The following MLEC variants were observed in gnomAD, a reference collection of about 807,000 sequenced individuals.
The protein encoded by MLEC is oligosaccharyltransferase complex subunit (non-catalytic).
MLEC carries 7 observed loss-of-function variants against 28.7 expected under a neutral mutation model. That is an observed-to-expected ratio of 0.24 (90% confidence interval 0.14 to 0.46). MLEC has a LOEUF of 0.46. Ranked by LOEUF, MLEC falls within the 20% of genes least tolerant of loss-of-function variation. MLEC has a pLI of 0.99. For missense variants in MLEC, 237 were observed against 391.1 expected, an observed-to-expected ratio of 0.61 and a Z score of 3.32; for synonymous variants, 142 against 164.4, an observed-to-expected ratio of 0.86 and a Z score of 1.04.
chr12:120,689,022 T>C (rs922080192), intron 1 of MLEC, among the ~76,000 whole-genome samples: 2 of 152,348 alleles, frequency 1.3e-5, no homozygotes, highest in Middle Eastern at 3.4e-3. Flanking sequence ...CCTCTTGAGA[T>C]AGCGGTGGTG....
In MLEC at chr12:120,687,542, C is replaced by G; in HGVS notation, c.235+11C>G. The G allele has an allele frequency of 1.3e-6, 2 of 1,491,498 alleles. No individual in the cohort carries two copies. Among genetic ancestry groups the G allele is most frequent in the Non-Finnish European group, 1.8e-6 (2 of 1,121,096 alleles). The allele number at this position is 1,491,498 out of a possible 1,614,324, so 92.4% of individuals were successfully genotyped here. On this transcript the variant is annotated intron_variant, in intron 1 of 4. Transcript: ENST00000228506. The surrounding 1 kb of genome is among the most constrained non-coding windows in gnomAD (Gnocchi z 8.1). ...GCCGGGTGGGCCGAGGTGAGAGTCC[C>G]CCTGCCGAGCCGCGGGATCCAGGGC... is the stretch of plus-strand genomic sequence containing the variant.
Position 120,696,569 on chromosome 12 carries a change from G to A in MLEC, c.*24G>A, listed in dbSNP as rs1190309482. 6.2e-7 allele frequency: 1 copy of A among 1,608,346 alleles called. No homozygotes were observed. Among genetic ancestry groups the A allele is most frequent in the Non-Finnish European group, 8.5e-7 (1 of 1,176,762 alleles). On this transcript the variant is annotated 3_prime_UTR_variant, in exon 5 of 5. Coordinates refer to ENST00000228506, the MANE Select transcript of MLEC (RefSeq NM_014730.4). This position sits in a 1 kb window ranked among gnomAD's most constrained non-coding sequence, Gnocchi z 5.4. ...GAGAACAAATGACTATCCTGAACAG[G>A]GTGGAGGGGTGTGGGAAAGAAACCA...
chr12:120,687,430 C>T lies in MLEC; in HGVS notation c.134C>T (p.Pro45Leu). ...GCCGGCGCGGCGGGGGCCGGGCTGC[C>T]CGAGAGCGTCATTTGGGCGGTCAAC... ...GVAGAAGAGL[P>L]ESVIWAVNAG... is the part of the protein sequence containing the mutation. Residue 45 changes from proline (P) to leucine (L), a missense_variant, in exon 1 of 5, where the codon CCC (proline) becomes CTC (leucine). Pro to Leu is a moderately conservative substitution (Grantham distance 98). Coordinates refer to ENST00000228506, the MANE Select transcript of MLEC (RefSeq NM_014730.4). This position sits in a 1 kb window ranked among gnomAD's most constrained non-coding sequence, Gnocchi z 8.1. The T allele has an allele frequency of 1.4e-6, 2 of 1,402,730 alleles. No individual in the cohort carries two copies. The highest frequency in any genetic ancestry group is 1.8e-5 in the South Asian group (1 of 54,084). 86.9% of individuals were successfully genotyped at this position (1,402,730 alleles called of 1,614,324 possible).
chr12:120,695,169 C>G lies in MLEC; in HGVS notation c.649+17C>G. ...CAGTGGATGGTAGGTTGTGTTCTGA[C>G]CTGCTTTTTTGACTTGAGTGGAGGG... On this transcript the variant is annotated intron_variant, in intron 4 of 4. Coordinates refer to ENST00000228506, the MANE Select transcript of MLEC (RefSeq NM_014730.4). 6.2e-7 allele frequency: 1 copy of G among 1,614,054 alleles called. No homozygotes were observed. Among genetic ancestry groups the G allele is most frequent in the Non-Finnish European group, 8.5e-7 (1 of 1,179,954 alleles).
intron 3 of MLEC, 40 bp from the exon 4 acceptor site, chr12:120,695,055 T>G (rs763856740): frequency 1.9e-5 from 31 of 1,614,018 alleles, no homozygotes; most frequent in Non-Finnish European, 2.5e-5. Flanking sequence ...GGAAGTTGTT[T>G]GCTGCTGTGT....
intron 1 of MLEC, among the ~76,000 whole-genome samples, chr12:120,688,552 T>C (rs1454567493): frequency 1.3e-5 from 2 of 152,218 alleles, no homozygotes; most frequent in Non-Finnish European, 2.9e-5. Context: ...ATTGATACTG[T>C]ATGCTGGGTT....
At chr12:120,688,157 C>G (rs979540471) in intron 1 of MLEC, among the ~76,000 whole-genome samples, 2 of 152,186 alleles carry the variant, frequency 1.3e-5, no homozygotes, top group Admixed American at 6.5e-5. Flanking sequence ...ACTGGGTCAA[C>G]CAGTGTAAGA....
intron 1 of MLEC, among the ~76,000 whole-genome samples, chr12:120,692,480 T>TG (rs1332442153): frequency 6.6e-6 from 1 of 152,148 alleles, no homozygotes; most frequent in African/African-American, 2.4e-5. Flanking sequence ...AAAAGTGCAA[T>TG]GAGTTTCCTC....
chr12:120,695,601 C>G (rs1309738949), intron 4 of MLEC, among the ~76,000 whole-genome samples: 2 of 152,214 alleles, frequency 1.3e-5, no homozygotes, highest in African/African-American at 4.8e-5. Context: ...CAAAACTTCA[C>G]TTATTTATGT....
At chr12:120,690,521 G>A (rs1882000394) in intron 1 of MLEC, among the ~76,000 whole-genome samples, 7 of 152,136 alleles carry the variant, frequency 4.6e-5, no homozygotes, top group Admixed American at 3.9e-4. Flanking sequence ...AATCTCTCAT[G>A]CTTTAGAAAT....
rs147951341 is a variant in MLEC at position 120,694,655 on chromosome 12, C to T, written c.415-169C>T. ...AGAACTCCTGGGCAGTGAAGGAACA[C>T]GGCTTTGATTTGACCCGGGTTAAGG... On this transcript the variant is annotated intron_variant, in intron 2 of 4. Transcript: ENST00000228506. This position sits in a 1 kb window ranked among gnomAD's most constrained non-coding sequence, Gnocchi z 4.5. 2.7e-3 allele frequency among the ~76,000 whole-genome samples: 404 copies of T among 152,272 alleles called. 2 individuals carry two copies. Among genetic ancestry groups the T allele is most frequent in the African/African-American group, 8.4e-3 (350 of 41,544 alleles).
In MLEC at chr12:120,696,771, C is replaced by T. The variant is rs1882259185; in HGVS notation, c.*226C>T. On this transcript the variant is annotated 3_prime_UTR_variant, in exon 5 of 5. Transcript: ENST00000228506. The surrounding 1 kb of genome is among the most constrained non-coding windows in gnomAD (Gnocchi z 5.4). ...CTCGTCCTCTCTTTGTGGCTGGCTC[C>T]CAGCCTTCTCTTTCCTCTTGAGGAT... 1 of 599,734 alleles carries T rather than the reference C, an allele frequency of 1.7e-6. No individual in the cohort carries two copies. Among genetic ancestry groups the T allele is most frequent in the Non-Finnish European group, 2.9e-6 (1 of 350,026 alleles). 37.2% of individuals were successfully genotyped at this position (599,734 alleles called of 1,614,324 possible).
intron 1 of MLEC, among the ~76,000 whole-genome samples, chr12:120,688,793 A>G (rs1020933417): frequency 6.6e-6 from 1 of 152,160 alleles, no homozygotes; most frequent in Non-Finnish European, 1.5e-5. Flanking sequence ...GTGAAGTTCT[A>G]TGTTTGTCTT....
chr12:120,701,293 A>G lies in MLEC; in HGVS notation c.*4748A>G, dbSNP rs1029634562. ...GAGGGGAGCACTGGCAGGGAGAGAC[A>G]TTCTTGACTCCTCTCTTCCCTGGTG... On this transcript the variant is annotated 3_prime_UTR_variant, in exon 5 of 5. Transcript: ENST00000228506. The surrounding 1 kb of genome is among the most constrained non-coding windows in gnomAD (Gnocchi z 4.0). The G allele has an allele frequency of 1.3e-5, 2 of 152,452 alleles. No individual in the cohort carries two copies. The highest frequency in any genetic ancestry group is 2.4e-5 in the African/African-American group (1 of 41,452). 9.4% of individuals were successfully genotyped at this position (152,452 alleles called of 1,614,324 possible). A position where few individuals can be genotyped will look rare whatever the true frequency, so the allele number is the denominator to read the frequency against.
At chr12:120,695,253 A>G (rs1372019426) in intron 4 of MLEC, 101 bp downstream of exon 4, 2 of 1,272,742 alleles carry the variant, frequency 1.6e-6, no homozygotes, top group Non-Finnish European at 2.3e-6. Context: ...GGAAACACTT[A>G]AAGCTAAATT....
In MLEC at chr12:120,699,654, G is replaced by A. The variant is rs548796980; in HGVS notation, c.*3109G>A. 2.0e-5 allele frequency: 3 copies of A among 152,316 alleles called. No individual in the cohort carries two copies. The highest frequency in any genetic ancestry group is 4.1e-4 in the South Asian group (2 of 4,826). The allele number at this position is 152,316 out of a possible 1,614,324, so 9.4% of individuals were successfully genotyped here. A position where few individuals can be genotyped will look rare whatever the true frequency, so the allele number is the denominator to read the frequency against. Reference sequence around the variant, plus strand: ...ATTGTTGAGGAGAGGCTGCTCAATCGACACCCCGAGTTCTCATGACTGGGA... The same window carrying A: ...ATTGTTGAGGAGAGGCTGCTCAATCAACACCCCGAGTTCTCATGACTGGGA... On this transcript the variant is annotated 3_prime_UTR_variant, in exon 5 of 5. Coordinates refer to ENST00000228506, the MANE Select transcript of MLEC (RefSeq NM_014730.4).
chr12:120,690,741 G>C (rs1212129308), intron 1 of MLEC, among the ~76,000 whole-genome samples: 1 of 152,170 alleles, frequency 6.6e-6, no homozygotes, highest in Non-Finnish European at 1.5e-5. Context: ...CCTTTCACCT[G>C]GGGAAGGATT....
intron 1 of MLEC, among the ~76,000 whole-genome samples, chr12:120,691,058 G>A (rs184842657): frequency 1.3e-5 from 2 of 152,200 alleles, no homozygotes; most frequent in African/African-American, 4.8e-5. Context: ...TGGGAGTGAC[G>A]CTAGAGCACC....
chr12:120,694,408 C>A lies in MLEC; in HGVS notation c.414+139C>A. 1 of 863,834 alleles carries A rather than the reference C, an allele frequency of 1.2e-6. No individual in the cohort carries two copies. Among genetic ancestry groups the A allele is most frequent in the Non-Finnish European group, 1.7e-6 (1 of 576,340 alleles). 53.5% of individuals were successfully genotyped at this position (863,834 alleles called of 1,614,324 possible). A position where few individuals can be genotyped will look rare whatever the true frequency, so the allele number is the denominator to read the frequency against. On this transcript the variant is annotated intron_variant, in intron 2 of 4. Coordinates refer to ENST00000228506, the MANE Select transcript of MLEC (RefSeq NM_014730.4). This position sits in a 1 kb window ranked among gnomAD's most constrained non-coding sequence, Gnocchi z 4.5. ...CTCTAGAGAAGCATGTTCCATAGTGCACAAGGCTGCACTTGCCTTGGGGGT... is the reference window on the plus strand; with the variant it reads ...CTCTAGAGAAGCATGTTCCATAGTGAACAAGGCTGCACTTGCCTTGGGGGT...
Sources: allele counts gnomAD v4.1 joint callset (sites outside exome capture counted in the v4.1 genomes callset), GRCh38; gene constraint gnomAD v4.1.1; non-coding constraint Gnocchi (gnomAD v3.1); transcripts MANE v1.5; gene names NCBI Gene and HGNC (gene_info 2026-07-23, HGNC 2026-07-21).